DIS3L2: variants seen among roughly 807,000 people sequenced by gnomAD.
DIS3L2 encodes the protein DIS3-like exonuclease 2.
A neutral mutation model predicts 97.5 loss-of-function variants in DIS3L2; 34 were observed. The ratio of observed to expected loss-of-function variants is 0.35; its 90% CI spans 0.27 to 0.46. The LOEUF (loss-of-function observed/expected upper bound fraction) is 0.46. Ranked by LOEUF, DIS3L2 falls within the 20% of genes least tolerant of loss-of-function variation. The pLI, the probability that DIS3L2 is intolerant of heterozygous loss-of-function variation, is 1.00. For missense variants in DIS3L2, 1,038 were observed against 1,146.0 expected, an observed-to-expected ratio of 0.91 and a Z score of 1.36; for synonymous variants, 435 against 445.2, an observed-to-expected ratio of 0.98 and a Z score of 0.29.
At chr2:232,166,631 G>A (rs988615394) in intron 9 of DIS3L2, among the ~76,000 whole-genome samples, 2 of 151,996 alleles carry the variant, frequency 1.3e-5, no homozygotes, top group Non-Finnish European at 2.9e-5. Context: ...CAGGAGAATC[G>A]CTTGAACCCG....
At chr2:232,087,383 C>T in intron 5 of DIS3L2, 104 bp from the exon 6 acceptor site, 1 of 798,414 alleles carries the variant, frequency 1.3e-6, no homozygotes, top group Non-Finnish European at 2.0e-6. Context: ...GTGTCCAATA[C>T]CGTTAGCTTC....
chr2:232,028,825 A>G (rs1559554074), intron 4 of DIS3L2, among the ~76,000 whole-genome samples: 1 of 152,188 alleles, frequency 6.6e-6, no homozygotes, highest in Non-Finnish European at 1.5e-5. Context: ...TGGCTAACAC[A>G]GTAGCTTTTC....
intron 1 of DIS3L2, among the ~76,000 whole-genome samples, chr2:231,993,039 C>A (rs1000537050): frequency 2.0e-5 from 3 of 152,104 alleles, no homozygotes; most frequent in African/African-American, 7.2e-5. Context: ...TGGTGACTCC[C>A]AAATTTGCTG....
chr2:232,124,715 T>G (rs1043997717), intron 6 of DIS3L2, among the ~76,000 whole-genome samples: 2 of 152,096 alleles, frequency 1.3e-5, no homozygotes, highest in African/African-American at 4.8e-5. Context: ...GAGATACCAT[T>G]AAGCAGATTA....
At position 232,268,034 on chromosome 2, in the gene DIS3L2, A is replaced by T. The variant is rs910974110; in HGVS notation, c.1659+4594A>T. On this transcript the variant is annotated intron_variant, in intron 13 of 20. Coordinates refer to ENST00000325385, the MANE Select transcript of DIS3L2 (RefSeq NM_152383.5). This position sits in a 1 kb window ranked among gnomAD's most constrained non-coding sequence, Gnocchi z 4.1. ...CATCAGTCAGGTGGCAGTACCCAGA[A>T]GCCACTCTGTTTGAGGGCTTCCATG... Among the ~76,000 whole-genome samples the T allele has an allele frequency of 6.6e-6, 1 of 152,184 alleles. No homozygotes were observed. The highest frequency in any genetic ancestry group is 1.5e-5 in the Non-Finnish European group (1 of 68,028).
chr2:232,245,277 G>C (rs183666811), intron 11 of DIS3L2, among the ~76,000 whole-genome samples: 1 of 152,274 alleles, frequency 6.6e-6, no homozygotes, highest in East Asian at 1.9e-4. Context: ...TGGGTGCATG[G>C]ACTGTTGCGC....
At position 232,343,624 on chromosome 2, in the gene DIS3L2, A is replaced by T. The variant is rs114614578; in HGVS notation, c.*49A>T. The T allele has an allele frequency of 8.9e-4, 1,380 of 1,554,856 alleles. 18 individuals are homozygous for T. The African/African-American group carries it at 0.017, about 19-fold the overall frequency. ...GCGGAGAAGGAAAGATTATGGAAAG[A>T]AAGTAAACAGGTAAAGGCTGAAAAG... is the stretch of plus-strand genomic sequence containing the variant. On this transcript the variant is annotated 3_prime_UTR_variant, in exon 14 of 14. Transcript: ENST00000273009.
At chr2:232,313,467 A>C (rs868487341) in intron 14 of DIS3L2, among the ~76,000 whole-genome samples, 4 of 152,198 alleles carry the variant, frequency 2.6e-5, no homozygotes, top group Admixed American at 1.3e-4. Flanking sequence ...GTACATTTGA[A>C]CAAGGATTCA....
intron 5 of DIS3L2, among the ~76,000 whole-genome samples, chr2:232,053,051 A>G (rs1274813019): frequency 1.3e-5 from 2 of 152,214 alleles, no homozygotes; most frequent in African/African-American, 2.4e-5. Context: ...GGACTGGACT[A>G]TAGTATTTCT....
At chr2:232,051,994 A>G (rs1487492862) in intron 5 of DIS3L2, among the ~76,000 whole-genome samples, 1 of 151,504 alleles carries the variant, frequency 6.6e-6, no homozygotes, top group Non-Finnish European at 1.5e-5. Flanking sequence ...ATTAATGTTT[A>G]TAGTTGATTT....
chr2:231,988,491 T>G (rs1039658515), intron 1 of DIS3L2, among the ~76,000 whole-genome samples: 4 of 152,186 alleles, frequency 2.6e-5, no homozygotes, highest in African/African-American at 7.2e-5. Context: ...TCTTAGTCAT[T>G]TTACTGTTTA....
intron 10 of DIS3L2, among the ~76,000 whole-genome samples, chr2:232,218,088 G>A (rs552239836): frequency 6.6e-6 from 1 of 152,178 alleles, no homozygotes; most frequent in East Asian, 1.9e-4. Flanking sequence ...ATGGGAAGAG[G>A]GGAAGATTAG....
intron 6 of DIS3L2, among the ~76,000 whole-genome samples, chr2:232,114,839 C>T (rs898163771): frequency 5.3e-5 from 8 of 152,086 alleles, no homozygotes; most frequent in Non-Finnish European, 1.0e-4. Context: ...AACTGAATAC[C>T]TGAAACTGGG....
intron 8 of DIS3L2, among the ~76,000 whole-genome samples, chr2:232,161,477 C>A (rs1298682102): frequency 6.6e-6 from 1 of 152,052 alleles, no homozygotes; most frequent in African/African-American, 2.4e-5. Context: ...TACTTCCTTT[C>A]CTTTCTTTTT....
At chr2:231,987,301 TA>T (rs1350445400) in intron 1 of DIS3L2, among the ~76,000 whole-genome samples, 2 of 152,274 alleles carry the variant, frequency 1.3e-5, no homozygotes, top group Non-Finnish European at 2.9e-5. Context: ...TTATTCTTTC[TA>T]AGATTCTTTT....
chr2:232,206,408 G>C (rs1692026705), intron 9 of DIS3L2, among the ~76,000 whole-genome samples: 1 of 152,224 alleles, frequency 6.6e-6, no homozygotes, highest in African/African-American at 2.4e-5. Flanking sequence ...ACAGCTGTCT[G>C]TCACAACTGG....
chr2:232,329,808 T>G lies in DIS3L2; in HGVS notation c.1740-5T>G. 1 of 247,018 alleles carries G rather than the reference T, an allele frequency of 4.0e-6. No individual in the cohort carries two copies. Among genetic ancestry groups the G allele is most frequent in the Non-Finnish European group, 8.1e-6 (1 of 123,260 alleles). The allele number at this position is 247,018 out of a possible 1,614,324, so 15.3% of individuals were successfully genotyped here. ...GGTCCCTCCCATCCCACCCACCCTC[T>G]GCAGGCTCGTGGAGGAGTTCATGCT... is the stretch of plus-strand genomic sequence containing the variant. On this transcript the variant is annotated splice_region_variant and splice_polypyrimidine_tract_variant and intron_variant, in intron 14 of 20. Transcript: ENST00000325385.
At chr2:232,086,657 A>C in intron 5 of DIS3L2, among the ~76,000 whole-genome samples, 1 of 36,778 alleles carries the variant, frequency 2.7e-5, no homozygotes, top group East Asian at 7.3e-4. Flanking sequence ...ATATATATAT[A>C]TATGTGTGTG....
intron 14 of DIS3L2, among the ~76,000 whole-genome samples, chr2:232,321,384 C>T (rs1695426780): frequency 6.6e-6 from 1 of 152,192 alleles, no homozygotes; most frequent in South Asian, 2.1e-4. Flanking sequence ...CAAAAACTCC[C>T]TCTTGGAACA....
Sources: allele counts gnomAD v4.1 joint callset (sites outside exome capture counted in the v4.1 genomes callset), GRCh38; gene constraint gnomAD v4.1.1; non-coding constraint Gnocchi (gnomAD v3.1); transcripts MANE v1.5; gene names NCBI Gene and HGNC (gene_info 2026-07-23, HGNC 2026-07-21).